C9orf57: variants seen among roughly 807,000 people sequenced by gnomAD.
The protein encoded by C9orf57 is chromosome 9 open reading frame 57.
In C9orf57, 12 loss-of-function variants were observed where a neutral mutation model predicts 12.9. The observed-to-expected ratio is 0.93, with a 90% CI of 0.60 to 1.51. The LOEUF (loss-of-function observed/expected upper bound fraction) is 1.51, where lower values mean the gene tolerates loss of function less well. C9orf57 is among the 40% of genes most tolerant of loss of function. C9orf57 has a pLI of 0.00. For synonymous variants in C9orf57, 49 were observed against 57.1 expected, an observed-to-expected ratio of 0.86 and a Z score of 0.64; for missense variants, 141 against 162.8, an observed-to-expected ratio of 0.87 and a Z score of 0.73.
Position 72,052,374 on chromosome 9 carries a change from A to G in C9orf57, c.342T>C (p.Ser114=). Reference sequence around the variant, plus strand: ...GTTGCAGAATTCTCTTGACGAGAGTACTCTTGAAGCACTCTGATGTGTTCT... The same window carrying G: ...GTTGCAGAATTCTCTTGACGAGAGTGCTCTTGAAGCACTCTGATGTGTTCT... ...CTKNTSECFK[S]TLVKRILQLH... is the part of the protein sequence containing the mutation. The change falls in exon 5 of 5, where the codon AGT becomes AGC. Residue 114 remains serine (S), a synonymous_variant. Coordinates refer to ENST00000651200, the MANE Select transcript of C9orf57 (RefSeq NM_001128618.2). 1.3e-6 allele frequency: 2 copies of G among 1,551,712 alleles called. No homozygotes were observed. The highest frequency in any genetic ancestry group is 1.7e-6 in the Non-Finnish European group (2 of 1,146,732).
chr9:72,052,999 A>G (rs1490683838), intron 4 of C9orf57, among the ~76,000 whole-genome samples: 4 of 152,214 alleles, frequency 2.6e-5, no homozygotes, highest in African/African-American at 9.7e-5. Context: ...TGTAGGTAGG[A>G]GGACAAAAGG....
Position 72,051,376 on chromosome 9 carries a change from T to A in C9orf57, c.*920A>T, listed in dbSNP as rs1385455028. ...AGTCCCGAGAAAAAGACAGACAAGATTTTATTGACATTTATTATTTATTTT... is the reference window on the plus strand; with the variant it reads ...AGTCCCGAGAAAAAGACAGACAAGAATTTATTGACATTTATTATTTATTTT... On this transcript the variant is annotated 3_prime_UTR_variant, in exon 5 of 5. Coordinates refer to ENST00000651200, the MANE Select transcript of C9orf57 (RefSeq NM_001128618.2). The A allele has an allele frequency of 6.6e-6, 1 of 152,146 alleles. No individual in the cohort carries two copies. The highest frequency in any genetic ancestry group is 1.5e-5 in the Non-Finnish European group (1 of 68,028). The allele number at this position is 152,146 out of a possible 1,614,324, so 9.4% of individuals were successfully genotyped here.
chr9:72,054,913 G>GTTTT (rs1269233751), intron 4 of C9orf57, among the ~76,000 whole-genome samples: 2 of 90,756 alleles, frequency 2.2e-5, no homozygotes, highest in African/African-American at 7.8e-5. Flanking sequence ...TGGGGTTTGG[G>GTTTT]ATTTTTTTTT....
In C9orf57 at chr9:72,057,668, T is replaced by C. The variant is rs572072626; in HGVS notation, c.98-825A>G. Reference sequence around the variant, plus strand: ...ACTTAGTTGGTTAAAATTCATTCAGTTCCTCAGTGCTTAATTAAATCACCC... The same window carrying C: ...ACTTAGTTGGTTAAAATTCATTCAGCTCCTCAGTGCTTAATTAAATCACCC... On this transcript the variant is annotated intron_variant, in intron 2 of 4. Coordinates refer to ENST00000651200, the MANE Select transcript of C9orf57 (RefSeq NM_001128618.2). Among the ~76,000 whole-genome samples, 7 of 152,336 alleles carry C rather than the reference T, an allele frequency of 4.6e-5. No individual in the cohort carries two copies. In the South Asian group the frequency reaches 1.2e-3, roughly 27 times the overall value.
chr9:72,060,452 T>G, intron 1 of C9orf57, 45 bp downstream of exon 1: 1 of 966,420 alleles, frequency 1.0e-6, no homozygotes, highest in Admixed American at 2.0e-5. Context: ...GGGAAGAAAT[T>G]GTAAGATTGG....
Position 72,052,469 on chromosome 9 carries a change from G to A in C9orf57, c.281-34C>T, listed in dbSNP as rs539792651. On this transcript the variant is annotated intron_variant, in intron 4 of 4. Transcript: ENST00000651200. ...GAGAAAAGAGGTAAGGAAATTTCTT[G>A]GGAGGTACAACCTATGTGGCCTCAG... is the stretch of plus-strand genomic sequence containing the variant. The A allele has an allele frequency of 2.0e-4, 306 of 1,546,316 alleles. 2 individuals are homozygous for A. Among genetic ancestry groups the A allele is most frequent in the South Asian group, 9.7e-4 (81 of 83,156 alleles).
chr9:72,058,237 T>C (rs1322694265), intron 2 of C9orf57, among the ~76,000 whole-genome samples: 2 of 152,172 alleles, frequency 1.3e-5, no homozygotes, highest in East Asian at 3.9e-4. Context: ...CTCATCTCAC[T>C]GCAACCTCTG....
rs1464560671 is a variant in C9orf57 at position 72,060,610 on chromosome 9, C to T, written c.-167G>A. On this transcript the variant is annotated 5_prime_UTR_variant, in exon 1 of 5. It adds an upstream start codon to the 5' untranslated region. Transcript: ENST00000651200. The stretch of plus-strand genomic sequence containing the variant: ...AAGTCCGTTACAACTGAAAGCGACA[C>T]TCTGATCCACTAGATTCCAAACAGT... The T allele has an allele frequency of 1.4e-6, 2 of 1,469,636 alleles. No homozygotes were observed. The highest frequency in any genetic ancestry group is 1.8e-6 in the Non-Finnish European group (2 of 1,085,966). 91.0% of individuals were successfully genotyped at this position (1,469,636 alleles called of 1,614,324 possible).
rs780408164 is a variant in C9orf57 at position 72,060,490 on chromosome 9, G to A, written c.-54+7C>T. 1.2e-5 allele frequency: 16 copies of A among 1,335,150 alleles called. No homozygotes were observed. The highest frequency in any genetic ancestry group is 2.0e-5 in the Admixed American group (1 of 50,654). The allele number at this position is 1,335,150 out of a possible 1,614,324, so 82.7% of individuals were successfully genotyped here. A position where few individuals can be genotyped will look rare whatever the true frequency, so the allele number is the denominator to read the frequency against. On this transcript the variant is annotated splice_region_variant and intron_variant, in intron 1 of 4. Coordinates refer to ENST00000651200, the MANE Select transcript of C9orf57 (RefSeq NM_001128618.2). ...AAAGTATAATATTTCAGTTGTTCAT[G>A]ACCTACCTATCTTTTTCATTAAGGT...
At chr9:72,059,165 C>T (rs1309672861) in intron 2 of C9orf57, 70 bp downstream of exon 2, 7 of 1,536,306 alleles carry the variant, frequency 4.6e-6, no homozygotes, top group East Asian at 2.5e-5. Flanking sequence ...AGGCGTGAGC[C>T]GCCACGCTCG....
chr9:72,055,108 A>AT (rs893438077), intron 4 of C9orf57, among the ~76,000 whole-genome samples: 39 of 125,456 alleles, frequency 3.1e-4, no homozygotes, highest in South Asian at 1.5e-3. Flanking sequence ...ATATATATAT[A>AT]TTTTTTTTTG....
rs1485063282 is a variant in C9orf57 at position 72,052,357 on chromosome 9, A to G, written c.359T>C (p.Ile120Thr). 3.9e-6 allele frequency: 6 copies of G among 1,551,880 alleles called. No individual in the cohort carries two copies. The highest frequency in any genetic ancestry group is 1.4e-5 in the African/African-American group (1 of 73,060). The change falls in exon 5 of 5, where the codon ATT becomes ACT. Residue 120 changes from isoleucine to threonine, a missense_variant. Transcript: ENST00000651200. Reference protein sequence around the residue: ...ECFKSTLVKRILQLHELVTTH... With the variant: ...ECFKSTLVKRTLQLHELVTTH... ...AGTTACAAGTTCATGCAGTTGCAGA[A>G]TTCTCTTGACGAGAGTACTCTTGAA...
At chr9:72,056,910 T>TA in intron 2 of C9orf57, 67 bp from the exon 3 acceptor site, 10 of 1,222,012 alleles carry the variant, frequency 8.2e-6, no homozygotes, top group Non-Finnish European at 9.1e-6. Context: ...TATATATGTA[T>TA]ACTTTTTTTT....
chr9:72,056,971 A>G, intron 2 of C9orf57, 128 bp from the exon 3 acceptor site: 1 of 677,750 alleles, frequency 1.5e-6, no homozygotes, highest in Admixed American at 2.9e-5. Context: ...GTGCAGTGGC[A>G]CAATCTCGGC....
intron 1 of C9orf57, among the ~76,000 whole-genome samples, chr9:72,059,798 G>T (rs2132440993): frequency 6.6e-6 from 1 of 152,138 alleles, no homozygotes; most frequent in South Asian, 2.1e-4. Flanking sequence ...TCTAGCCTGG[G>T]GGACAGAGCG....
In C9orf57 at chr9:72,056,061, T is replaced by C; in HGVS notation, c.280+13A>G. The C allele has an allele frequency of 9.7e-6, 15 of 1,542,200 alleles. 1 individual carries two copies. Among genetic ancestry groups the C allele is most frequent in the Non-Finnish European group, 1.3e-5 (15 of 1,141,902 alleles). ...CTTATTTTAATTAAAATTTTTAAAG[T>C]GTCAAAACTTACCTTGAATGTGGAC... On this transcript the variant is annotated intron_variant, in intron 4 of 4. Transcript: ENST00000651200.
rs1351831479 is a variant in C9orf57 at position 72,052,271 on chromosome 9, A to G, written c.*25T>C. ...GGCTTCGAGACTGATTGATCTGCCA[A>G]GCATTTTAGATATGGGCCACTGACT... On this transcript the variant is annotated 3_prime_UTR_variant, in exon 5 of 5. Coordinates refer to ENST00000651200, the MANE Select transcript of C9orf57 (RefSeq NM_001128618.2). 6.4e-6 allele frequency: 10 copies of G among 1,550,674 alleles called. No individual in the cohort carries two copies. In the African/African-American group the frequency reaches 8.2e-5, roughly 13 times the overall value.
At chr9:72,055,570 G>A (rs1480614281) in intron 4 of C9orf57, among the ~76,000 whole-genome samples, 2 of 151,974 alleles carry the variant, frequency 1.3e-5, no homozygotes, top group Non-Finnish European at 2.9e-5. Flanking sequence ...ACTGCTACAG[G>A]TGTGTGCTAC....
chr9:72,055,743 A>G (rs1361397560), intron 4 of C9orf57, among the ~76,000 whole-genome samples: 1 of 152,096 alleles, frequency 6.6e-6, no homozygotes, highest in Non-Finnish European at 1.5e-5. Context: ...ATTGTGTATT[A>G]CTTTTTTGTG....
Sources: gnomAD v4.1 joint callset for allele counts (sites outside exome capture counted in the v4.1 genomes callset) on GRCh38, gnomAD v4.1.1 for gene constraint, MANE v1.5 for transcripts, NCBI Gene and HGNC (gene_info 2026-07-23, HGNC 2026-07-21) for gene names.